Variants in NCAM2 observed in about 807,000 individuals in gnomAD.
NCAM2 encodes the protein neural cell adhesion molecule 2, also known as N-CAM-2.
A neutral mutation model predicts 98.1 loss-of-function variants in NCAM2; 30 were observed. The ratio of observed to expected loss-of-function variants is 0.31; its 90% CI spans 0.23 to 0.41. NCAM2 has a LOEUF of 0.41. NCAM2 is among the 10% of genes least tolerant of loss of function. The pLI, the probability that NCAM2 is intolerant of heterozygous loss-of-function variation, is 1.00. For synonymous variants in NCAM2, 368 were observed against 342.4 expected (o/e 1.07, Z -0.83); for missense variants, 867 against 1,005.8 (o/e 0.86, Z 1.87).
At chr21:21,388,591 T>C (rs1461113670) in intron 9 of NCAM2, among the ~76,000 whole-genome samples, 2 of 152,196 alleles carry the variant, frequency 1.3e-5, no homozygotes, top group South Asian at 2.1e-4. Flanking sequence ...TTGTTACATA[T>C]GGCTATGGAG....
intron 1 of NCAM2, among the ~76,000 whole-genome samples, chr21:21,233,659 A>C (rs2070713666): frequency 6.6e-6 from 1 of 151,718 alleles, no homozygotes; most frequent in Admixed American, 6.6e-5. Flanking sequence ...TGTGAGTACA[A>C]ACGATGTTTT....
intron 13 of NCAM2, among the ~76,000 whole-genome samples, chr21:21,468,153 T>G (rs779549262): frequency 7.9e-5 from 12 of 151,930 alleles, no homozygotes; most frequent in African/African-American, 1.2e-4. Flanking sequence ...TAAAATTGGA[T>G]ACTGCAAACT....
rs73232003 is a variant in NCAM2, at chr21:21,328,434, A to G, written c.737+3934A>G. Among the ~76,000 whole-genome samples, 520 of 152,276 alleles carry G rather than the reference A, an allele frequency of 3.4e-3. 2 individuals carry two copies. Among genetic ancestry groups the G allele is most frequent in the Non-Finnish European group, 5.9e-3 (399 of 68,018 alleles). On this transcript the variant is annotated intron_variant, in intron 6 of 17. Transcript: ENST00000400546. Reference sequence around the variant, plus strand: ...TTCTTTAGATAATATTCCAGAAGAAAGGATTGTTATCCTAGGAGATGCCAG... The same window carrying G: ...TTCTTTAGATAATATTCCAGAAGAAGGGATTGTTATCCTAGGAGATGCCAG...
chr21:21,093,281 G>A (rs1016263377), intron 1 of NCAM2, among the ~76,000 whole-genome samples: 2 of 151,892 alleles, frequency 1.3e-5, no homozygotes, highest in Non-Finnish European at 2.9e-5. Context: ...TCTTCTTCAG[G>A]GAACTGTCCC....
chr21:21,454,224 A>C (rs1184998079), intron 12 of NCAM2, among the ~76,000 whole-genome samples: 1 of 150,672 alleles, frequency 6.6e-6, no homozygotes, highest in Non-Finnish European at 1.5e-5. Flanking sequence ...GCACTGTTCA[A>C]GGAAGTGAGA....
chr21:21,404,494 C>T (rs1238336302), intron 9 of NCAM2, among the ~76,000 whole-genome samples: 1 of 152,104 alleles, frequency 6.6e-6, no homozygotes, highest in Admixed American at 6.6e-5. Context: ...TCCCCTTCTG[C>T]CACGACTGTG....
intron 12 of NCAM2, among the ~76,000 whole-genome samples, chr21:21,442,486 T>A (rs1021144438): frequency 6.6e-6 from 1 of 152,064 alleles, no homozygotes. Flanking sequence ...GTTTGGTGAG[T>A]GGAAATCAGC....
chr21:21,046,310 T>C (rs2065006963), intron 1 of NCAM2, among the ~76,000 whole-genome samples: 1 of 152,146 alleles, frequency 6.6e-6, no homozygotes, highest in Non-Finnish European at 1.5e-5. Context: ...GGATTAGCAT[T>C]TGAGTTGTTG....
chr21:21,492,315 A>G (rs1209272471), intron 15 of NCAM2, among the ~76,000 whole-genome samples: 2 of 151,762 alleles, frequency 1.3e-5, no homozygotes, highest in Non-Finnish European at 2.9e-5. Flanking sequence ...TTCCTTTGCT[A>G]TTTTCTTGAT....
intron 1 of NCAM2, among the ~76,000 whole-genome samples, chr21:21,159,605 G>A (rs377186240): frequency 6.6e-6 from 1 of 152,070 alleles, no homozygotes; most frequent in Admixed American, 6.6e-5. Context: ...TAGCCTAGGA[G>A]CAATAAGTTA....
At chr21:21,523,481 G>A (rs897586259) in intron 16 of NCAM2, among the ~76,000 whole-genome samples, 9 of 151,356 alleles carry the variant, frequency 5.9e-5, no homozygotes, top group African/African-American at 2.2e-4. Flanking sequence ...TTAAAGAAAG[G>A]AAATGCATCA....
intron 1 of NCAM2, among the ~76,000 whole-genome samples, chr21:21,023,906 C>A (rs1416778507): frequency 1.3e-5 from 2 of 152,062 alleles, no homozygotes; most frequent in African/African-American, 2.4e-5. Context: ...ACAATTTTCA[C>A]AAATATGTTT....
chr21:21,108,940 G>A (rs1252603007), intron 1 of NCAM2, among the ~76,000 whole-genome samples: 1 of 152,118 alleles, frequency 6.6e-6, no homozygotes, highest in Non-Finnish European at 1.5e-5. Flanking sequence ...AGGCTGTTCT[G>A]TGGGCAGGAG....
chr21:21,026,764 G>C (rs1409803113), intron 1 of NCAM2, among the ~76,000 whole-genome samples: 1 of 151,656 alleles, frequency 6.6e-6, no homozygotes, highest in African/African-American at 2.4e-5. Context: ...TTCTCATTTT[G>C]TGGAGAAAAT....
intron 12 of NCAM2, among the ~76,000 whole-genome samples, chr21:21,452,971 T>TTA (rs376391112): frequency 0.09 from 2,879 of 32,086 alleles, 171 homozygotes; most frequent in African/African-American, 0.26. Context: ...ATATTATATA[T>TTA]TATTATATAT....
chr21:21,504,386 A>G (rs372331883), intron 15 of NCAM2, among the ~76,000 whole-genome samples: 2 of 151,860 alleles, frequency 1.3e-5, no homozygotes, highest in South Asian at 2.1e-4. Context: ...CTTAAAAAAT[A>G]AAAAATGGAT....
chr21:21,112,278 T>C (rs1169597302), intron 1 of NCAM2, among the ~76,000 whole-genome samples: 1 of 152,218 alleles, frequency 6.6e-6, no homozygotes, highest in Non-Finnish European at 1.5e-5. Flanking sequence ...GAGACATATT[T>C]TGCTTCTTTT....
chr21:21,298,696 G>T (rs2073590831), intron 5 of NCAM2, among the ~76,000 whole-genome samples: 1 of 151,500 alleles, frequency 6.6e-6, no homozygotes, highest in African/African-American at 2.4e-5. Flanking sequence ...TTCCATATAA[G>T]TAATTGATTT....
At chr21:21,364,636 G>A (rs151146173) in intron 8 of NCAM2, among the ~76,000 whole-genome samples, 271 of 151,548 alleles carry the variant, frequency 1.8e-3, no homozygotes, top group South Asian at 3.1e-3. Flanking sequence ...ATATGTATAC[G>A]TATACATAAA....
Sources: gnomAD v4.1 joint callset for allele counts (sites outside exome capture counted in the v4.1 genomes callset) on GRCh38, gnomAD v4.1.1 for gene constraint, MANE v1.5 for transcripts, NCBI Gene and HGNC (gene_info 2026-07-23, HGNC 2026-07-21) for gene names.